Variants in ARL15 observed in about 807,000 individuals in gnomAD.
ARL15 encodes ARF like GTPase 15.
A neutral mutation model predicts 25.2 loss-of-function variants in ARL15; 19 were observed. That is an observed-to-expected ratio of 0.75 (90% CI 0.53 to 1.10). The LOEUF (loss-of-function observed/expected upper bound fraction) is 1.10, where lower values mean the gene tolerates loss of function less well. ARL15 is among the 50% of genes least tolerant of loss of function. The pLI is 0.00. For synonymous variants in ARL15, 94 were observed against 86.8 expected, an observed-to-expected ratio of 1.08 and a Z score of -0.46; for missense variants, 220 against 246.0, an observed-to-expected ratio of 0.89 and a Z score of 0.71.
At chr5:54,106,055 C>T (rs1392228168) in intron 4 of ARL15, among the ~76,000 whole-genome samples, 3 of 151,962 alleles carry the variant, frequency 2.0e-5, no homozygotes, top group African/African-American at 7.2e-5. Context: ...CAGCCAATTT[C>T]TATGAGGGAT....
At chr5:54,086,474 G>T (rs1276874735) in intron 4 of ARL15, among the ~76,000 whole-genome samples, 1 of 150,110 alleles carries the variant, frequency 6.7e-6, no homozygotes, top group African/African-American at 2.5e-5. Context: ...GTGTTTCGCA[G>T]TAGCTTAAAT....
intron 4 of ARL15, among the ~76,000 whole-genome samples, chr5:54,050,585 A>T (rs1028391003): frequency 4.6e-5 from 7 of 152,180 alleles, no homozygotes; most frequent in African/African-American, 1.7e-4. Flanking sequence ...TGCAAAAGAA[A>T]ATGTGGCCAG....
At chr5:54,038,250 T>A (rs142138987) in intron 4 of ARL15, among the ~76,000 whole-genome samples, 1 of 152,114 alleles carries the variant, frequency 6.6e-6, no homozygotes, top group African/African-American at 2.4e-5. Context: ...ACTGCAATAA[T>A]GGCATAATGA....
At chr5:54,150,660 C>T (rs979026538) in intron 3 of ARL15, among the ~76,000 whole-genome samples, 4 of 151,820 alleles carry the variant, frequency 2.6e-5, no homozygotes, top group East Asian at 1.9e-4. Flanking sequence ...TAGCGACGTG[C>T]GGTGGCTCAT....
At chr5:54,234,140 C>T (rs749156743) in intron 1 of ARL15, among the ~76,000 whole-genome samples, 13 of 151,910 alleles carry the variant, frequency 8.6e-5, no homozygotes, top group East Asian at 1.9e-4. Context: ...GGATTATAGG[C>T]GCGTGCCACC....
intron 4 of ARL15, among the ~76,000 whole-genome samples, chr5:53,911,713 G>A (rs984987095): frequency 3.9e-5 from 6 of 151,926 alleles, no homozygotes; most frequent in African/African-American, 1.2e-4. Flanking sequence ...AAGACCCCAA[G>A]TCTAATATGT....
At chr5:54,046,158 C>G (rs1240245496) in intron 4 of ARL15, among the ~76,000 whole-genome samples, 3 of 152,048 alleles carry the variant, frequency 2.0e-5, no homozygotes, top group Non-Finnish European at 4.4e-5. Flanking sequence ...ATTCATAGTT[C>G]TTGACCATAA....
intron 4 of ARL15, among the ~76,000 whole-genome samples, chr5:54,056,861 A>G (rs1334208545): frequency 6.6e-6 from 1 of 152,142 alleles, no homozygotes; most frequent in East Asian, 1.9e-4. Context: ...CCTCCTGAGT[A>G]TACGGGGGAG....
At chr5:54,025,079 AG>A (rs1749744766) in intron 4 of ARL15, among the ~76,000 whole-genome samples, 1 of 152,188 alleles carries the variant, frequency 6.6e-6, no homozygotes, top group African/African-American at 2.4e-5. Flanking sequence ...AAGGAAAAGT[AG>A]GGCCAAATCC....
At chr5:54,157,054 G>A (rs1754255575) in intron 2 of ARL15, among the ~76,000 whole-genome samples, 1 of 152,176 alleles carries the variant, frequency 6.6e-6, no homozygotes, top group South Asian at 2.1e-4. Context: ...AAAGCTCTCT[G>A]CAAATATTAA....
At chr5:53,899,117 T>C (rs1339648647) in intron 4 of ARL15, among the ~76,000 whole-genome samples, 16 of 151,740 alleles carry the variant, frequency 1.1e-4, no homozygotes, top group Non-Finnish European at 1.5e-5. Flanking sequence ...GAGGCTGAGG[T>C]GGGTGGATAG....
At chr5:53,957,864 C>T (rs910421194) in intron 4 of ARL15, among the ~76,000 whole-genome samples, 1 of 151,842 alleles carries the variant, frequency 6.6e-6, no homozygotes, top group Non-Finnish European at 1.5e-5. Context: ...AATATAAAAG[C>T]TAGTATATAT....
chr5:54,154,528 C>G (rs1361694909), intron 3 of ARL15, 52 bp downstream of exon 3: 1 of 1,185,710 alleles, frequency 8.4e-7, no homozygotes, highest in Non-Finnish European at 1.2e-6. Context: ...TACATTATTA[C>G]CAAATTCATA....
In ARL15 at chr5:54,183,162, C is replaced by T. The variant is rs1196328230; in HGVS notation, c.49-11234G>A. 4.2e-5 allele frequency among the ~76,000 whole-genome samples: 4 copies of T among 96,124 alleles called. No homozygotes were observed. The East Asian group carries it at 1.5e-3, about 36-fold the overall frequency. 63.1% of individuals were successfully genotyped at this position (96,124 alleles called of 152,430 possible). On this transcript the variant is annotated intron_variant, in intron 1 of 4. Transcript: ENST00000504924. ...TTATTTCCTTCTCCTGCCTTATTGC[C>T]CCAGCCAGAACTTCCAACACTATGT...
At chr5:54,133,046 G>A (rs541441335) in intron 3 of ARL15, among the ~76,000 whole-genome samples, 134 of 152,062 alleles carry the variant, frequency 8.8e-4, no homozygotes, top group African/African-American at 2.9e-3. Flanking sequence ...TCTAATAAGC[G>A]GTTTTGTATT....
intron 2 of ARL15, among the ~76,000 whole-genome samples, chr5:54,161,096 T>G (rs1754388713): frequency 6.6e-6 from 1 of 152,138 alleles, no homozygotes; most frequent in African/African-American, 2.4e-5. Context: ...AATTTTTAAT[T>G]TTTAAATAGA....
At chr5:54,126,849 T>A (rs991106372) in intron 3 of ARL15, among the ~76,000 whole-genome samples, 2 of 151,930 alleles carry the variant, frequency 1.3e-5, no homozygotes, top group African/African-American at 4.8e-5. Context: ...TTATTTTTAT[T>A]TTATTTTATT....
At chr5:54,118,621 T>C (rs1561230743) in intron 3 of ARL15, among the ~76,000 whole-genome samples, 1 of 152,200 alleles carries the variant, frequency 6.6e-6, no homozygotes, top group Non-Finnish European at 1.5e-5. Context: ...AGTCTTACTT[T>C]AAACTATCTT....
At chr5:54,129,719 A>C (rs1561235355) in intron 3 of ARL15, among the ~76,000 whole-genome samples, 1 of 152,192 alleles carries the variant, frequency 6.6e-6, no homozygotes, top group South Asian at 2.1e-4. Context: ...GGAAAGTCTG[A>C]TGAACGCCAT....
Sources: allele counts gnomAD v4.1 joint callset (sites outside exome capture counted in the v4.1 genomes callset), GRCh38; gene constraint gnomAD v4.1.1; transcripts MANE v1.5; gene names NCBI Gene and HGNC (gene_info 2026-07-23, HGNC 2026-07-21).